RNF150: variants seen among roughly 807,000 people sequenced by gnomAD.
RNF150 encodes the protein ring finger protein 150.
In RNF150, 24 loss-of-function variants were observed where a neutral mutation model predicts 39.3. The observed-to-expected ratio is 0.61, with a 90% CI of 0.44 to 0.86. The LOEUF is 0.86. Among genes scored for constraint, RNF150 ranks in the 40% least tolerant of loss-of-function variants. The pLI, the probability that RNF150 is intolerant of heterozygous loss-of-function variation, is 0.00. For missense variants in RNF150, 502 were observed against 587.8 expected (o/e 0.85, Z 1.51); for synonymous variants, 255 against 227.3 (o/e 1.12, Z -1.10).
At chr4:141,045,256 T>C (rs892387513) in intron 1 of RNF150, among the ~76,000 whole-genome samples, 6 of 152,218 alleles carry the variant, frequency 3.9e-5, no homozygotes, top group African/African-American at 1.4e-4. Context: ...TGCCAACCCC[T>C]TCACTCTCAA....
intron 6 of RNF150, among the ~76,000 whole-genome samples, chr4:140,870,488 T>C (rs1728887837): frequency 6.7e-6 from 1 of 150,332 alleles, no homozygotes; most frequent in South Asian, 2.1e-4. Flanking sequence ...GTGTGTGCAC[T>C]TCCTTTTCAT....
chr4:141,170,349 A>G (rs1358528851), intron 1 of RNF150, among the ~76,000 whole-genome samples: 4 of 152,206 alleles, frequency 2.6e-5, no homozygotes, highest in Admixed American at 2.0e-4. Context: ...GCACCTGTAG[A>G]TGATTTTTTA....
intron 1 of RNF150, among the ~76,000 whole-genome samples, chr4:141,046,500 C>T (rs1019062659): frequency 6.6e-6 from 1 of 152,138 alleles, no homozygotes. Context: ...TTTACTGACA[C>T]CCACCAGGGC....
chr4:141,061,914 C>G (rs1372981502), intron 1 of RNF150, among the ~76,000 whole-genome samples: 1 of 152,012 alleles, frequency 6.6e-6, no homozygotes, highest in Non-Finnish European at 1.5e-5. Context: ...GAAGGAATCG[C>G]CTCCCAAAAG....
At chr4:141,010,522 G>A (rs573359476) in intron 1 of RNF150, among the ~76,000 whole-genome samples, 54 of 152,250 alleles carry the variant, frequency 3.5e-4, no homozygotes, top group Middle Eastern at 3.4e-3. Flanking sequence ...TATTTATCAG[G>A]TATACTTTAA....
chr4:141,137,216 CTGAG>C (rs1321957669), upstream of RNF150, among the ~76,000 whole-genome samples: 5 of 152,112 alleles, frequency 3.3e-5, no homozygotes, highest in Non-Finnish European at 7.4e-5. Context: ...GCATTTTATT[CTGAG>C]TGAGAGGAGA....
At chr4:141,195,639 A>G (rs1288314911) in intron 1 of RNF150, among the ~76,000 whole-genome samples, 5 of 152,204 alleles carry the variant, frequency 3.3e-5, no homozygotes, top group Non-Finnish European at 7.3e-5. Context: ...AATTAATTAT[A>G]GGGGTGGTAA....
chr4:140,936,807 A>G (rs901343495), intron 4 of RNF150, among the ~76,000 whole-genome samples: 2 of 152,166 alleles, frequency 1.3e-5, no homozygotes, highest in African/African-American at 4.8e-5. Context: ...ACAATCAATG[A>G]CAATTTATAT....
intron 5 of RNF150, among the ~76,000 whole-genome samples, chr4:140,924,435 T>G (rs1731303812): frequency 6.6e-6 from 1 of 152,236 alleles, no homozygotes; most frequent in African/African-American, 2.4e-5. Context: ...TTGTTAAGTT[T>G]CATTGTCCTG....
chr4:140,920,892 A>G (rs1409905421), intron 5 of RNF150, among the ~76,000 whole-genome samples: 1 of 151,820 alleles, frequency 6.6e-6, no homozygotes, highest in African/African-American at 2.4e-5. Context: ...TTATAGGGAC[A>G]TGGATGAAAT....
intron 6 of RNF150, among the ~76,000 whole-genome samples, chr4:140,883,143 G>A (rs1206888394): frequency 6.6e-6 from 1 of 151,956 alleles, no homozygotes; most frequent in African/African-American, 2.4e-5. Flanking sequence ...AGCAGATAAT[G>A]CCACATATAA....
intron 1 of RNF150, among the ~76,000 whole-genome samples, chr4:141,171,558 CAGTT>C (rs1160311394): frequency 6.6e-6 from 1 of 152,090 alleles, no homozygotes; most frequent in African/African-American, 2.4e-5. Context: ...TCCATTACCT[CAGTT>C]AGTCTTAGTT....
chr4:140,922,015 T>C (rs201891406), intron 5 of RNF150, among the ~76,000 whole-genome samples: 76,968 of 143,998 alleles, frequency 0.53, 20,861 homozygotes, highest in East Asian at 0.88. Flanking sequence ...CAATATCATA[T>C]TGAATGGGCA....
intron 6 of RNF150, among the ~76,000 whole-genome samples, chr4:140,891,540 C>T (rs948708672): frequency 2.0e-5 from 3 of 152,200 alleles, no homozygotes; most frequent in Admixed American, 2.0e-4. Context: ...TCTTTCCAAA[C>T]TCCTCCATTC....
At chr4:141,055,736 T>C (rs1439227402) in intron 1 of RNF150, among the ~76,000 whole-genome samples, 1 of 151,508 alleles carries the variant, frequency 6.6e-6, no homozygotes, top group Non-Finnish European at 1.5e-5. Context: ...TTAATGAGAG[T>C]CCTAAAAGGA....
At chr4:141,206,362 T>G (rs546727926) in intron 1 of RNF150, among the ~76,000 whole-genome samples, 7 of 141,322 alleles carry the variant, frequency 5.0e-5, no homozygotes, top group African/African-American at 1.9e-4. Flanking sequence ...GAGATTACAG[T>G]GAGCCAAGAT....
intron 1 of RNF150, among the ~76,000 whole-genome samples, chr4:141,106,333 A>T (rs889655802): frequency 3.9e-5 from 6 of 152,216 alleles, no homozygotes; most frequent in Non-Finnish European, 8.8e-5. Flanking sequence ...CACACCTGGT[A>T]CATAGTAGGT....
chr4:140,922,915 A>G (rs531451653), intron 5 of RNF150, among the ~76,000 whole-genome samples: 3 of 150,978 alleles, frequency 2.0e-5, no homozygotes, highest in Non-Finnish European at 4.4e-5. Context: ...CTGGCTAGAC[A>G]TATGTAGAAA....
chr4:141,181,918 T>C (rs1337750576), intron 1 of RNF150, among the ~76,000 whole-genome samples: 1 of 152,178 alleles, frequency 6.6e-6, no homozygotes, highest in Non-Finnish European at 1.5e-5. Context: ...GGATGTACCT[T>C]GACTGGTTTA....
Sources: allele counts gnomAD v4.1 joint callset (sites outside exome capture counted in the v4.1 genomes callset), GRCh38; gene constraint gnomAD v4.1.1; transcripts MANE v1.5; gene names NCBI Gene and HGNC (gene_info 2026-07-23, HGNC 2026-07-21).